Variants in NEK11 observed in about 807,000 individuals in gnomAD.
NEK11 encodes serine/threonine-protein kinase Nek11.
Under a neutral mutation model 80.7 loss-of-function variants are expected in NEK11, and 72 were observed. That is an observed-to-expected ratio of 0.89 (90% CI 0.74 to 1.08). The LOEUF is 1.08. Among genes scored for constraint, NEK11 ranks in the 50% least tolerant of loss-of-function variants. The pLI, the probability that NEK11 is intolerant of heterozygous loss-of-function variation, is 0.00. For synonymous variants in NEK11, 251 were observed against 260.7 expected, an observed-to-expected ratio of 0.96 and a Z score of 0.36; for missense variants, 764 against 763.6, an observed-to-expected ratio of 1.00 and a Z score of -0.01.
chr3:131,322,108 G>A (rs181412283), intron 17 of NEK11, among the ~76,000 whole-genome samples: 1 of 152,270 alleles, frequency 6.6e-6, no homozygotes, highest in Admixed American at 6.5e-5. Context: ...ATCAGTGGGG[G>A]ACTGGATAAA....
At chr3:131,291,356 GT>G (rs1449378963) in intron 17 of NEK11, among the ~76,000 whole-genome samples, 3 of 151,970 alleles carry the variant, frequency 2.0e-5, no homozygotes, top group Non-Finnish European at 2.9e-5. Context: ...TTGCTTCCAA[GT>G]TTTGACAACT....
intron 17 of NEK11, among the ~76,000 whole-genome samples, chr3:131,295,088 T>C (rs2096580116): frequency 6.6e-6 from 1 of 152,198 alleles, no homozygotes; most frequent in African/African-American, 2.4e-5. Context: ...AAAGTGATTA[T>C]TGATGTAGTT....
intron 7 of NEK11, among the ~76,000 whole-genome samples, chr3:131,137,861 T>C (rs1261509834): frequency 6.6e-6 from 1 of 152,164 alleles, no homozygotes; most frequent in Non-Finnish European, 1.5e-5. Flanking sequence ...TTAAAAAAAT[T>C]TAAATTTTTA....
rs2097328670 is a variant in NEK11, at chr3:131,344,225, T to TG, written c.1719-5331dup. Among the ~76,000 whole-genome samples the TG allele has an allele frequency of 2.0e-5, 3 of 152,342 alleles. No homozygotes were observed. The South Asian group carries it at 6.2e-4, about 32-fold the overall frequency. On this transcript the variant is annotated intron_variant, in intron 17 of 17. Coordinates refer to ENST00000383366, the MANE Select transcript of NEK11 (RefSeq NM_024800.5). ...CACCAGATACCCTCAATCATCACTT[T>TG]GAAGTTCAAACTTCCACAGATCCCT...
chr3:131,203,690 A>ATATATATG (rs139173310), intron 14 of NEK11, among the ~76,000 whole-genome samples: 12 of 131,572 alleles, frequency 9.1e-5, no homozygotes, highest in South Asian at 2.4e-4. Flanking sequence ...TAAAGTTCAT[A>ATATATATG]TATATATGTA....
Position 131,109,807 on chromosome 3 carries a change from G to A in NEK11, c.341G>A (p.Arg114Gln), listed in dbSNP as rs200944744. Reference sequence around the variant, plus strand: ...AGATTATGCTCTTCATTTCAGGGCCGAGATCTGGACGATAAAATTCAGGAA... The same window carrying A: ...AGATTATGCTCTTCATTTCAGGGCCAAGATCTGGACGATAAAATTCAGGAA... ...FCIITEYCEGRDLDDKIQEYK... is the reference protein window; with the variant it reads ...FCIITEYCEGQDLDDKIQEYK... The change falls in exon 5 of 18, where the codon CGA becomes CAA. Residue 114 changes from arginine to glutamine, a missense_variant. Arg to Gln is a conservative substitution (Grantham distance 43). Coordinates refer to ENST00000383366, the MANE Select transcript of NEK11 (RefSeq NM_024800.5). The A allele has an allele frequency of 3.4e-5, 54 of 1,587,166 alleles. No individual in the cohort carries two copies. The Admixed American group carries it at 7.8e-4, about 23-fold the overall frequency.
At chr3:131,142,399 T>C (rs910514107) in intron 7 of NEK11, among the ~76,000 whole-genome samples, 6 of 151,578 alleles carry the variant, frequency 4.0e-5, no homozygotes, top group Admixed American at 2.6e-4. Flanking sequence ...TCTATTAACC[T>C]GGCACATTCT....
intron 17 of NEK11, among the ~76,000 whole-genome samples, chr3:131,296,199 A>C (rs1277053485): frequency 2.6e-5 from 4 of 152,176 alleles, no homozygotes; most frequent in African/African-American, 9.6e-5. Context: ...ACCTTATAAT[A>C]ACAAAATAAT....
intron 3 of NEK11, among the ~76,000 whole-genome samples, chr3:131,049,346 A>C (rs2067960876): frequency 6.6e-6 from 1 of 152,178 alleles, no homozygotes; most frequent in Admixed American, 6.5e-5. Flanking sequence ...GAGATGATTG[A>C]CGGTTGCTAG....
chr3:131,164,488 T>C (rs1042973717), intron 11 of NEK11, among the ~76,000 whole-genome samples: 1 of 152,220 alleles, frequency 6.6e-6, no homozygotes, highest in East Asian at 1.9e-4. Context: ...GAAATGGTGA[T>C]ATTTCCAAGG....
intron 7 of NEK11, among the ~76,000 whole-genome samples, chr3:131,150,809 GT>G (rs1258165573): frequency 1.3e-5 from 2 of 151,656 alleles, no homozygotes; most frequent in Non-Finnish European, 2.9e-5. Flanking sequence ...TGTACTCATT[GT>G]TTTTGTCTGG....
At position 131,349,681 on chromosome 3, in the gene NEK11, GCCAGCGACTGTTTTGAAGTGGA is replaced by G. The variant is rs1197478100; in HGVS notation, c.1849_1870del (p.Asp617SerfsTer9). On this transcript the variant is annotated frameshift_variant, in exon 18 of 18. Coordinates refer to ENST00000383366, the MANE Select transcript of NEK11 (RefSeq NM_024800.5). LOFTEE classifies it low-confidence loss of function (END_TRUNC). Reference sequence around the variant, plus strand: ...GTGTTTGGAAAAAGTGGTGCCTCAAGCCAGCGACTGTTTTGAAGTGGACCAGCTCCTGTACTTTGAAGAGCAG... The same window carrying G: ...GTGTTTGGAAAAAGTGGTGCCTCAAGCCAGCTCCTGTACTTTGAAGAGCAG... 46 of 1,614,060 alleles carry G rather than the reference GCCAGCGACTGTTTTGAAGTGGA, an allele frequency of 2.8e-5. No homozygotes were observed. Among genetic ancestry groups the G allele is most frequent in the Non-Finnish European group, 3.8e-5 (45 of 1,180,016 alleles).
intron 4 of NEK11, among the ~76,000 whole-genome samples, chr3:131,105,086 C>CCA (rs1234469438): frequency 1.3e-5 from 2 of 152,356 alleles, no homozygotes; most frequent in African/African-American, 4.8e-5. Context: ...TGCCTCTTCT[C>CCA]CATGAGAGCA....
At chr3:131,202,542 A>G (rs1472010503) in intron 14 of NEK11, among the ~76,000 whole-genome samples, 1 of 152,226 alleles carries the variant, frequency 6.6e-6, no homozygotes, top group African/African-American at 2.4e-5. Flanking sequence ...CTAAGACACC[A>G]AAAGCAATAG....
intron 5 of NEK11, among the ~76,000 whole-genome samples, chr3:131,113,199 G>A (rs899397356): frequency 2.6e-5 from 4 of 152,146 alleles, no homozygotes; most frequent in Admixed American, 2.6e-4. Flanking sequence ...CTGGATGAAT[G>A]AGAAATTGGA....
intron 9 of NEK11, among the ~76,000 whole-genome samples, chr3:131,154,587 T>C (rs2090315636): frequency 6.6e-6 from 1 of 152,344 alleles, no homozygotes; most frequent in African/African-American, 2.4e-5. Flanking sequence ...TTAATTTTGA[T>C]TTTTAACAAT....
At chr3:131,179,261 G>T (rs1384657683) in intron 14 of NEK11, among the ~76,000 whole-genome samples, 4 of 152,174 alleles carry the variant, frequency 2.6e-5, no homozygotes, top group Non-Finnish European at 4.4e-5. Flanking sequence ...CAGCCTCCAG[G>T]ACTGTGAGAA....
chr3:131,125,774 A>C (rs1159504143), intron 5 of NEK11, among the ~76,000 whole-genome samples: 1 of 152,210 alleles, frequency 6.6e-6, no homozygotes, highest in Non-Finnish European at 1.5e-5. Flanking sequence ...TAGTGTTTTA[A>C]AAACCAACAT....
intron 4 of NEK11, among the ~76,000 whole-genome samples, chr3:131,085,986 C>T (rs28368349): frequency 0.47 from 71,573 of 151,752 alleles, 18,043 homozygotes; most frequent in Middle Eastern, 0.67. Context: ...GAATGTCTCT[C>T]AGTTTGGGTT....
Sources: gnomAD v4.1 joint callset for allele counts (sites outside exome capture counted in the v4.1 genomes callset) on GRCh38, gnomAD v4.1.1 for gene constraint, MANE v1.5 for transcripts, NCBI Gene and HGNC (gene_info 2026-07-23, HGNC 2026-07-21) for gene names.